PARD3B: variants seen among roughly 807,000 people sequenced by gnomAD.
The protein encoded by PARD3B is par-3 family cell polarity regulator beta.
PARD3B carries 103 observed loss-of-function variants against 130.2 expected under a neutral mutation model. The ratio of observed to expected loss-of-function variants is 0.79; its 90% confidence interval spans 0.67 to 0.93. PARD3B has a LOEUF of 0.93. Ranked by LOEUF, PARD3B falls within the 40% of genes least tolerant of loss-of-function variation. The pLI, the probability that PARD3B is intolerant of heterozygous loss-of-function variation, is 0.00. For synonymous variants in PARD3B, 583 were observed against 553.2 expected (o/e 1.05, Z -0.76); for missense variants, 1,609 against 1,499.2 (o/e 1.07, Z -1.21).
chr2:204,688,779 T>A (rs756164481), intron 2 of PARD3B, among the ~76,000 whole-genome samples: 1 of 152,120 alleles, frequency 6.6e-6, no homozygotes, highest in Non-Finnish European at 1.5e-5. Context: ...CATATCAGTC[T>A]CACTCAGGAT....
intron 2 of PARD3B, among the ~76,000 whole-genome samples, chr2:204,698,785 A>G (rs2037740844): frequency 6.6e-6 from 1 of 151,032 alleles, no homozygotes; most frequent in African/African-American, 2.5e-5. Flanking sequence ...CATTTTTCCA[A>G]TGGATTTCTT....
intron 16 of PARD3B, among the ~76,000 whole-genome samples, chr2:205,252,832 G>A (rs1574508881): frequency 8.7e-6 from 1 of 114,304 alleles, no homozygotes. Flanking sequence ...GTAGGAACCT[G>A]AAGGGACCCC....
intron 16 of PARD3B, among the ~76,000 whole-genome samples, chr2:205,272,055 G>A (rs558082977): frequency 6.6e-5 from 10 of 152,076 alleles, no homozygotes; most frequent in Admixed American, 6.5e-4. Flanking sequence ...CAACTCAGGA[G>A]GCTGAGGCAG....
rs779587027 is a variant in PARD3B at position 205,047,566 on chromosome 2, C to G, written c.395-15C>G. The G allele has an allele frequency of 2.0e-5, 31 of 1,529,740 alleles. No homozygotes were observed. Among genetic ancestry groups the G allele is most frequent in the Non-Finnish European group, 2.7e-5 (30 of 1,129,092 alleles). 94.8% of individuals were successfully genotyped at this position (1,529,740 alleles called of 1,614,324 possible). A position where few individuals can be genotyped will look rare whatever the true frequency, so the allele number is the denominator to read the frequency against. On this transcript the variant is annotated splice_polypyrimidine_tract_variant and intron_variant, in intron 3 of 22. Coordinates refer to ENST00000406610, the MANE Select transcript of PARD3B (RefSeq NM_001302769.2). ...AGGGTTCTTTTGACCTCTCACCTCT[C>G]ACTTTGTCTTCCAGGCACTCCACTG...
intron 1 of PARD3B, among the ~76,000 whole-genome samples, chr2:204,600,559 C>G (rs985994657): frequency 1.4e-4 from 22 of 151,894 alleles, no homozygotes; most frequent in African/African-American, 5.3e-4. Flanking sequence ...GTTTTGGTTA[C>G]TATAGCTTTG....
chr2:204,764,712 A>ATGTGTGTGTGTGTG (rs1387737555), intron 2 of PARD3B, among the ~76,000 whole-genome samples: 483 of 43,070 alleles, frequency 0.011, 6 homozygotes, highest in African/African-American at 0.027. Flanking sequence ...TCTGGCATGC[A>ATGTGTGTGTGTGTG]TGCGTGTGTG....
At chr2:205,538,080 A>G (rs1216142162) in intron 21 of PARD3B, among the ~76,000 whole-genome samples, 1 of 152,172 alleles carries the variant, frequency 6.6e-6, no homozygotes, top group Non-Finnish European at 1.5e-5. Flanking sequence ...TGTGTTAGAT[A>G]AGAAGTATTA....
At chr2:205,529,051 C>A (rs1233095382) in intron 21 of PARD3B, among the ~76,000 whole-genome samples, 2 of 152,020 alleles carry the variant, frequency 1.3e-5, no homozygotes, top group Admixed American at 6.6e-5. Context: ...TAACTTCCAA[C>A]ATATTTTAAT....
chr2:205,315,468 G>A (rs1334035755), intron 18 of PARD3B, among the ~76,000 whole-genome samples: 1 of 152,108 alleles, frequency 6.6e-6, no homozygotes, highest in Non-Finnish European at 1.5e-5. Context: ...CTGTACCCTA[G>A]GATCATCTAC....
chr2:205,243,298 A>G (rs1291290861), intron 15 of PARD3B, among the ~76,000 whole-genome samples: 2 of 152,186 alleles, frequency 1.3e-5, no homozygotes, highest in Non-Finnish European at 2.9e-5. Context: ...AGTAGTTCAT[A>G]TTTATTAAGT....
chr2:205,144,941 A>G (rs907146213), intron 10 of PARD3B, among the ~76,000 whole-genome samples: 3 of 152,214 alleles, frequency 2.0e-5, no homozygotes, highest in Non-Finnish European at 4.4e-5. Context: ...GCCCCTACAA[A>G]AATACTGCCT....
Position 205,055,229 on chromosome 2 carries a change from T to C in PARD3B, c.504+7539T>C, listed in dbSNP as rs77061515. ...ACTGTTCAAAACATTTAGAAAGGTCTTGATTAGAAGTTTCTGGATAATTTC... is the reference window on the plus strand; with the variant it reads ...ACTGTTCAAAACATTTAGAAAGGTCCTGATTAGAAGTTTCTGGATAATTTC... On this transcript the variant is annotated intron_variant, in intron 4 of 22. Coordinates refer to ENST00000406610, the MANE Select transcript of PARD3B (RefSeq NM_001302769.2). 3.7e-4 allele frequency among the ~76,000 whole-genome samples: 57 copies of C among 152,340 alleles called. No homozygotes were observed. The East Asian group carries it at 0.01, about 27-fold the overall frequency.
chr2:204,879,591 A>T (rs995897344), intron 2 of PARD3B, among the ~76,000 whole-genome samples: 10 of 152,178 alleles, frequency 6.6e-5, no homozygotes, highest in Non-Finnish European at 1.5e-4. Context: ...GTGAAAATGG[A>T]TAATCTGTAA....
intron 16 of PARD3B, among the ~76,000 whole-genome samples, chr2:205,249,006 G>GTTTTTTT (rs10707308): frequency 8.4e-5 from 8 of 95,102 alleles, no homozygotes; most frequent in African/African-American, 3.3e-4. Flanking sequence ...TAAAATAAGA[G>GTTTTTTT]TTTTTTTTTT....
In PARD3B at chr2:205,541,755, T is replaced by G. The variant is rs1038000597; in HGVS notation, c.3181-11569T>G. ...GTTTCATTCATTCAGTCAATCAGCA[T>G]TTACTAAGCCCCTGCCAAGTTTATG... On this transcript the variant is annotated intron_variant, in intron 21 of 22. Transcript: ENST00000406610. Among the ~76,000 whole-genome samples the G allele has an allele frequency of 2.0e-5, 3 of 152,098 alleles. No individual in the cohort carries two copies. The East Asian group carries it at 5.8e-4, about 29-fold the overall frequency.
chr2:204,848,108 T>C (rs1413468977), intron 2 of PARD3B, among the ~76,000 whole-genome samples: 1 of 152,198 alleles, frequency 6.6e-6, no homozygotes, highest in Non-Finnish European at 1.5e-5. Flanking sequence ...AATTGTTCTA[T>C]TTTATTATTT....
At chr2:205,080,170 A>G (rs1392770489) in intron 4 of PARD3B, among the ~76,000 whole-genome samples, 21 of 152,184 alleles carry the variant, frequency 1.4e-4, no homozygotes, top group Non-Finnish European at 1.5e-4. Context: ...TTACATTTTT[A>G]AGGTGGCTAT....
chr2:204,556,348 C>G (rs1213408899), intron 1 of PARD3B, among the ~76,000 whole-genome samples: 1 of 152,146 alleles, frequency 6.6e-6, no homozygotes, highest in African/African-American at 2.4e-5. Context: ...TAGAATGGCT[C>G]TACTAGCTGT....
intron 20 of PARD3B, among the ~76,000 whole-genome samples, chr2:205,494,051 C>T (rs1575159463): frequency 6.6e-6 from 1 of 152,202 alleles, no homozygotes; most frequent in Non-Finnish European, 1.5e-5. Context: ...TGAGCCACCT[C>T]ACCTGACCTT....
Sources: allele counts gnomAD v4.1 joint callset (sites outside exome capture counted in the v4.1 genomes callset), GRCh38; gene constraint gnomAD v4.1.1; transcripts MANE v1.5; gene names NCBI Gene and HGNC (gene_info 2026-07-23, HGNC 2026-07-21).